Variants in DNAH8 observed in about 807,000 individuals in gnomAD.
The protein encoded by DNAH8 is dynein axonemal heavy chain 8, also known as axonemal beta dynein heavy chain 8.
A neutral mutation model predicts 562.1 loss-of-function variants in DNAH8; 382 were observed. The observed-to-expected ratio is 0.68, with a 90% confidence interval of 0.63 to 0.74. The LOEUF (loss-of-function observed/expected upper bound fraction) is 0.74, where lower values mean the gene tolerates loss of function less well. Among genes scored for constraint, DNAH8 ranks in the 30% least tolerant of loss-of-function variants. The pLI is 0.00. For synonymous variants in DNAH8, 1,881 were observed against 1,919.4 expected (o/e 0.98, Z 0.52); for missense variants, 5,203 against 5,620.4 (o/e 0.93, Z 2.37).
chr6:38,834,516 C>A, intron 31 of DNAH8, 63 bp from the exon 32 acceptor site: 14 of 1,124,706 alleles, frequency 1.2e-5, no homozygotes, highest in East Asian at 1.0e-4. Context: ...AATAGATAAA[C>A]CCAATAAACT....
intron 91 of DNAH8, 127 bp from the exon 92 acceptor site, chr6:39,026,419 C>G (rs1366045190): frequency 1.5e-5 from 15 of 987,500 alleles, no homozygotes; most frequent in Non-Finnish European, 1.6e-5. Context: ...GGGGTTTGGC[C>G]TCAACTCCTT....
chr6:38,773,543 A>C (rs116722928), intron 12 of DNAH8, among the ~76,000 whole-genome samples: 1 of 152,298 alleles, frequency 6.6e-6, no homozygotes, highest in Admixed American at 6.5e-5. Context: ...CTCAGCAACC[A>C]GAGCTAAGGT....
intron 85 of DNAH8, among the ~76,000 whole-genome samples, chr6:38,975,268 C>T (rs1763597752): frequency 6.6e-6 from 1 of 152,146 alleles, no homozygotes; most frequent in African/African-American, 2.4e-5. Flanking sequence ...ATATTTTGTT[C>T]TGTAATTCAA....
rs776942951 is a variant in DNAH8 at position 38,872,707 on chromosome 6, C to G, written c.7162C>G (p.Leu2388Val). 4 of 1,613,966 alleles carry G rather than the reference C, an allele frequency of 2.5e-6. No homozygotes were observed. Among genetic ancestry groups the G allele is most frequent in the Non-Finnish European group, 3.4e-6 (4 of 1,179,986 alleles). ...TACTGCACCTCAGATGTTTGGCAGA[C>G]TGGACACTGCTACCAATGACTGGAC... ...AITAPQMFGR[L>V]DTATNDWTDG... Residue 2388 changes from leucine to valine, a missense_variant, in exon 50 of 93, where the codon CTG (leucine) becomes GTG (valine). Coordinates refer to ENST00000327475, the MANE Select transcript of DNAH8 (RefSeq NM_001206927.2).
intron 18 of DNAH8, among the ~76,000 whole-genome samples, chr6:38,787,781 A>G (rs1769318079): frequency 6.6e-6 from 1 of 152,064 alleles, no homozygotes; most frequent in South Asian, 2.1e-4. Context: ...AAGTATATTC[A>G]GATCCTAACA....
chr6:38,824,909 C>G (rs1270741622), intron 28 of DNAH8, among the ~76,000 whole-genome samples: 1 of 152,134 alleles, frequency 6.6e-6, no homozygotes, highest in Non-Finnish European at 1.5e-5. Flanking sequence ...AAATCAGAAA[C>G]TATGCATCAG....
Position 38,737,211 on chromosome 6 carries a change from C to A in DNAH8, c.907C>A (p.His303Asn). The stretch of plus-strand genomic sequence containing the variant: ...GTCCAAGCAGGGAGAATCTGAAAAA[C>A]ATATTTTCACTGAAACCATCAACAG... ...NQSKQGESEK[H>N]IFTETINRYL... Residue 303 changes from histidine to asparagine, a missense_variant, in exon 6 of 93, where the codon CAT becomes AAT. Physicochemically the swap from His to Asn is moderately conservative, Grantham distance 68. Around this residue, in one of 6 missense-constraint regions of DNAH8, gnomAD observed 556 missense variants for 496.9 expected, o/e 1.12. Transcript: ENST00000327475. 1 of 1,520,168 alleles carries A rather than the reference C, an allele frequency of 6.6e-7. No homozygotes were observed. The highest frequency in any genetic ancestry group is 8.8e-7 in the Non-Finnish European group (1 of 1,132,666). 94.2% of individuals were successfully genotyped at this position (1,520,168 alleles called of 1,614,324 possible).
chr6:38,726,851 GTTT>G (rs58557655), intron 3 of DNAH8, among the ~76,000 whole-genome samples: 719 of 63,284 alleles, frequency 0.011, 14 homozygotes, highest in African/African-American at 0.046. Context: ...GTATTCTTTA[GTTT>G]TTTTTTTTTT....
Position 38,972,508 on chromosome 6 carries a change from C to T in DNAH8, c.12525+843C>T, listed in dbSNP as rs140238796. On this transcript the variant is annotated intron_variant, in intron 83 of 92. Coordinates refer to ENST00000327475, the MANE Select transcript of DNAH8 (RefSeq NM_001206927.2). The stretch of plus-strand genomic sequence containing the variant: ...GCAATTATACATAATTATTTTTACT[C>T]GGATCAAATGTTTCACTCTATTGAG... Among the ~76,000 whole-genome samples, 46 of 152,184 alleles carry T rather than the reference C, an allele frequency of 3.0e-4. No individual in the cohort carries two copies. In the East Asian group the frequency reaches 8.7e-3, roughly 29 times the overall value.
At chr6:39,024,441 G>A (rs1326706064) in intron 91 of DNAH8, among the ~76,000 whole-genome samples, 1 of 152,252 alleles carries the variant, frequency 6.6e-6, no homozygotes, top group South Asian at 2.1e-4. Flanking sequence ...GCCTTAGAAT[G>A]GAGAATTGGG....
intron 68 of DNAH8, among the ~76,000 whole-genome samples, chr6:38,915,851 CAT>C (rs1461915226): frequency 1.2e-4 from 12 of 101,212 alleles, no homozygotes; most frequent in Admixed American, 9.6e-4. Flanking sequence ...CACACACACA[CAT>C]ACACACACAC....
intron 1 of DNAH8, among the ~76,000 whole-genome samples, chr6:38,722,338 G>A (rs1188209820): frequency 6.6e-6 from 1 of 152,198 alleles, no homozygotes; most frequent in African/African-American, 2.4e-5. Flanking sequence ...AACCTTTAGA[G>A]TTCACGAAGT....
chr6:38,768,353 G>A (rs1767223421), intron 11 of DNAH8, among the ~76,000 whole-genome samples: 2 of 151,926 alleles, frequency 1.3e-5, no homozygotes, highest in African/African-American at 4.8e-5. Flanking sequence ...CTGCCTCCTT[G>A]ACCTCCTGGG....
At chr6:38,838,641 C>T (rs938217473) in intron 33 of DNAH8, among the ~76,000 whole-genome samples, 11 of 152,052 alleles carry the variant, frequency 7.2e-5, no homozygotes, top group Admixed American at 1.3e-4. Flanking sequence ...CCTCGTGATC[C>T]GCCTGCCTCG....
intron 89 of DNAH8, among the ~76,000 whole-genome samples, chr6:39,009,478 T>C (rs1269191645): frequency 6.6e-6 from 1 of 152,192 alleles, no homozygotes; most frequent in Non-Finnish European, 1.5e-5. Flanking sequence ...AGTGGAGATA[T>C]TATGAATATA....
chr6:39,001,695 TGTATGCCATGTGA>T (rs1459868082), intron 88 of DNAH8, among the ~76,000 whole-genome samples: 1 of 152,156 alleles, frequency 6.6e-6, no homozygotes, highest in Non-Finnish European at 1.5e-5. Flanking sequence ...GAAAAAGGTT[TGTATGCCATGTGA>T]AAGACTTCAG....
chr6:39,002,037 A>G (rs1765524376), intron 88 of DNAH8, among the ~76,000 whole-genome samples: 1 of 152,144 alleles, frequency 6.6e-6, no homozygotes, highest in Non-Finnish European at 1.5e-5. Flanking sequence ...GATGTCACTA[A>G]AGTAGATGGG....
chr6:38,921,898 A>G (rs777378088), intron 71 of DNAH8, among the ~76,000 whole-genome samples: 1 of 151,942 alleles, frequency 6.6e-6, no homozygotes. Context: ...TATAGGATTT[A>G]GGTAGGTAAA....
chr6:38,765,325 G>T (rs777014004), intron 11 of DNAH8, among the ~76,000 whole-genome samples: 27 of 151,798 alleles, frequency 1.8e-4, no homozygotes, highest in Non-Finnish European at 3.2e-4. Context: ...AATCTCATTT[G>T]TTTTTTTTGT....
Sources: allele counts gnomAD v4.1 joint callset (sites outside exome capture counted in the v4.1 genomes callset), GRCh38; gene constraint gnomAD v4.1.1; regional missense constraint gnomAD v4.1.1; transcripts MANE v1.5; gene names NCBI Gene and HGNC (gene_info 2026-07-23, HGNC 2026-07-21).